CAMTA1: variants seen among roughly 807,000 people sequenced by gnomAD.
CAMTA1 encodes calmodulin-binding transcription activator 1.
In CAMTA1, 27 loss-of-function variants were observed where a neutral mutation model predicts 170.9. That is an observed-to-expected ratio of 0.16 (90% CI 0.12 to 0.22). The LOEUF (loss-of-function observed/expected upper bound fraction) is 0.22, where lower values mean the gene tolerates loss of function less well. Ranked by LOEUF, CAMTA1 falls within the 10% of genes least tolerant of loss-of-function variation. The pLI, the probability that CAMTA1 is intolerant of heterozygous loss-of-function variation, is 1.00. For synonymous variants in CAMTA1, 833 were observed against 891.5 expected (o/e 0.93, Z 1.17); for missense variants, 1,619 against 2,217.2 (o/e 0.73, Z 5.42).
At chr1:7,652,119 G>A (rs546698372) in intron 7 of CAMTA1, among the ~76,000 whole-genome samples, 7 of 145,500 alleles carry the variant, frequency 4.8e-5, no homozygotes, top group Middle Eastern at 3.4e-3. Context: ...ATCCTGTACC[G>A]TCTGGAATGA....
In CAMTA1 at chr1:7,661,883, G is replaced by T; in HGVS notation, c.805+17G>T. ...GCAGCCTGGGTGAGCCGGGGCTCCC[G>T]GGGCAGGCGGGCGCCACGGGGACAG... On this transcript the variant is annotated intron_variant, in intron 8 of 22. Transcript: ENST00000303635. The T allele has an allele frequency of 1.3e-6, 2 of 1,590,416 alleles. No individual in the cohort carries two copies. Among genetic ancestry groups the T allele is most frequent in the Admixed American group, 1.8e-5 (1 of 56,240 alleles).
intron 3 of CAMTA1, among the ~76,000 whole-genome samples, chr1:6,975,681 C>T (rs558444558): frequency 1.5e-4 from 23 of 152,260 alleles, no homozygotes; most frequent in African/African-American, 5.5e-4. Flanking sequence ...ACAATTCACT[C>T]ATGTAAAGCC....
rs148229763 is a variant in CAMTA1, at chr1:7,174,339, G to A, written c.303-75152G>A. Among the ~76,000 whole-genome samples the A allele has an allele frequency of 2.2e-3, 330 of 152,220 alleles. 2 individuals are homozygous for A. Among genetic ancestry groups the A allele is most frequent in the Middle Eastern group, 0.014 (4 of 294 alleles). ...AGTGCATTAGTCAGAGTGAGGAAGC[G>A]TTCACGAAAAAAGGTTTGTTCTCCA... On this transcript the variant is annotated intron_variant, in intron 4 of 22. Coordinates refer to ENST00000303635, the MANE Select transcript of CAMTA1 (RefSeq NM_015215.4).
intron 6 of CAMTA1, among the ~76,000 whole-genome samples, chr1:7,491,048 A>G (rs993730155): frequency 2.0e-5 from 3 of 152,174 alleles, no homozygotes; most frequent in Non-Finnish European, 2.9e-5. Context: ...TGTTGTTTGC[A>G]AATAACCTAA....
chr1:7,738,253 T>C lies in CAMTA1; in HGVS notation c.3953T>C (p.Val1318Ala). 6.2e-7 allele frequency: 1 copy of C among 1,614,092 alleles called. No individual in the cohort carries two copies. Among genetic ancestry groups the C allele is most frequent in the Non-Finnish European group, 8.5e-7 (1 of 1,180,046 alleles). Residue 1318 changes from valine (V) to alanine (A), a missense_variant, in exon 16 of 23, where the codon GTA (valine) becomes GCA (alanine). Physicochemically the swap from Val to Ala is moderately conservative, Grantham distance 64. Around this residue, in one of 8 missense-constraint regions of CAMTA1, gnomAD observed 370 missense variants for 429.4 expected, o/e 0.86. Transcript: ENST00000303635. This position sits in a 1 kb window ranked among gnomAD's most constrained non-coding sequence, Gnocchi z 4.9. The stretch of plus-strand genomic sequence containing the variant: ...TTTCAAGCCTCTGGATCTCAGCCTG[T>C]AGGAAAGTGGAATTCCAAAGATCTT... Reference protein sequence around the residue: ...AAFQASGSQPVGKWNSKDLYI... With the variant: ...AAFQASGSQPAGKWNSKDLYI...
chr1:7,119,526 CT>C (rs1644523683), intron 4 of CAMTA1, among the ~76,000 whole-genome samples: 1 of 152,136 alleles, frequency 6.6e-6, no homozygotes, highest in Non-Finnish European at 1.5e-5. Flanking sequence ...GGAAGAACCC[CT>C]GAGCCGAAAA....
intron 3 of CAMTA1, among the ~76,000 whole-genome samples, chr1:6,973,486 A>G (rs1395917098): frequency 1.3e-5 from 2 of 152,204 alleles, no homozygotes; most frequent in Non-Finnish European, 2.9e-5. Flanking sequence ...ATAATATTCT[A>G]CCATGTGTAT....
At chr1:7,205,381 A>G (rs1657543308) in intron 4 of CAMTA1, among the ~76,000 whole-genome samples, 1 of 150,864 alleles carries the variant, frequency 6.6e-6, no homozygotes, top group Non-Finnish European at 1.5e-5. Flanking sequence ...GAGATTACAG[A>G]CGTGAGCCAC....
chr1:7,558,752 A>G (rs929733808), intron 6 of CAMTA1, among the ~76,000 whole-genome samples: 2 of 152,254 alleles, frequency 1.3e-5, no homozygotes, highest in Non-Finnish European at 1.5e-5. Context: ...GCCTCTATAC[A>G]GTGAAAACCC....
rs200026629 is a variant in CAMTA1, at chr1:7,680,990, CG to C, written c.2914+3263del. On this transcript the variant is annotated intron_variant, in intron 11 of 22. Transcript: ENST00000303635. The surrounding 1 kb of genome is among the most constrained non-coding windows in gnomAD (Gnocchi z 4.4). ...AGGGCGATCGTCCCCACGTTGGGGCCGGGGGGCAGGGACCCGACGTCCCCAA... is the reference window on the plus strand; with the variant it reads ...AGGGCGATCGTCCCCACGTTGGGGCCGGGGGCAGGGACCCGACGTCCCCAA... 0.017 allele frequency among the ~76,000 whole-genome samples: 2,611 copies of C among 152,100 alleles called. 30 individuals carry two copies. The highest frequency in any genetic ancestry group is 0.042 in the South Asian group (205 of 4,828).
Position 6,785,482 on chromosome 1 carries a change from C to A in CAMTA1, c.-49C>A. 9.9e-7 allele frequency: 1 copy of A among 1,010,066 alleles called. No individual in the cohort carries two copies. The highest frequency in any genetic ancestry group is 1.2e-6 in the Non-Finnish European group (1 of 840,846). 62.6% of individuals were successfully genotyped at this position (1,010,066 alleles called of 1,614,324 possible). A position where few individuals can be genotyped will look rare whatever the true frequency, so the allele number is the denominator to read the frequency against. On this transcript the variant is annotated 5_prime_UTR_variant, in exon 1 of 23. Coordinates refer to ENST00000303635, the MANE Select transcript of CAMTA1 (RefSeq NM_015215.4). ...GGCGGGGTGGCTGGGCCGGCGGCGG[C>A]GGCGGTACGAGGCGCGCGCTCGGGG...
At chr1:7,460,220 A>G (rs954012921) in intron 5 of CAMTA1, among the ~76,000 whole-genome samples, 4 of 152,206 alleles carry the variant, frequency 2.6e-5, no homozygotes, top group African/African-American at 4.8e-5. Context: ...TCTGCTTTGC[A>G]TCCCTTTTGT....
chr1:7,181,908 C>A (rs1028884951), intron 4 of CAMTA1, among the ~76,000 whole-genome samples: 1 of 151,954 alleles, frequency 6.6e-6, no homozygotes, highest in African/African-American at 2.4e-5. Flanking sequence ...GATAACCCTG[C>A]AAATTAAGAA....
chr1:7,678,402 C>T (rs1004748923), intron 11 of CAMTA1, among the ~76,000 whole-genome samples: 6 of 152,246 alleles, frequency 3.9e-5, no homozygotes, highest in Non-Finnish European at 2.9e-5. Context: ...CCCCAGTGGG[C>T]TTCAAGGGAG....
intron 3 of CAMTA1, among the ~76,000 whole-genome samples, chr1:7,086,876 T>C (rs1270236592): frequency 1.3e-5 from 2 of 152,222 alleles, no homozygotes; most frequent in Admixed American, 1.3e-4. Context: ...ACTGTGTGCA[T>C]GTGTCTGTGT....
intron 3 of CAMTA1, among the ~76,000 whole-genome samples, chr1:7,015,865 G>A (rs1298031757): frequency 3.3e-5 from 5 of 152,038 alleles, no homozygotes; most frequent in East Asian, 1.9e-4. Flanking sequence ...GGCAGAAGGC[G>A]AAGGGGAAGC....
intron 16 of CAMTA1, among the ~76,000 whole-genome samples, chr1:7,740,378 T>G (rs1006414310): frequency 6.6e-6 from 1 of 152,216 alleles, no homozygotes; most frequent in Non-Finnish European, 1.5e-5. Context: ...CTGGCTGAAT[T>G]CAGCCTGCCA....
chr1:7,737,055 T>G (rs2096777986), intron 14 of CAMTA1, 46 bp downstream of exon 14: 1 of 1,491,788 alleles, frequency 6.7e-7, no homozygotes, highest in Admixed American at 1.7e-5. Context: ...TCTTCCAGTC[T>G]GGCATAGGAT....
chr1:6,843,351 C>T (rs753203068), intron 3 of CAMTA1, among the ~76,000 whole-genome samples: 2 of 152,076 alleles, frequency 1.3e-5, no homozygotes, highest in African/African-American at 2.4e-5. Context: ...AGTGGTCATC[C>T]AATTTGGAAA....
Sources: allele counts gnomAD v4.1 joint callset (sites outside exome capture counted in the v4.1 genomes callset), GRCh38; gene constraint gnomAD v4.1.1; regional missense constraint gnomAD v4.1.1; non-coding constraint Gnocchi (gnomAD v3.1); transcripts MANE v1.5; gene names NCBI Gene and HGNC (gene_info 2026-07-23, HGNC 2026-07-21).